UGT2B15: variants seen among roughly 807,000 people sequenced by gnomAD.
UGT2B15 encodes the protein UDP glucuronosyltransferase family 2 member B15.
UGT2B15 carries 36 observed loss-of-function variants against 45.9 expected under a neutral mutation model. The observed-to-expected ratio is 0.78, with a 90% CI of 0.60 to 1.04. UGT2B15 has a LOEUF of 1.04. Ranked by LOEUF, UGT2B15 falls within the 50% of genes least tolerant of loss-of-function variation. UGT2B15 has a pLI of 0.00. For missense variants in UGT2B15, 617 were observed against 622.4 expected (o/e 0.99, Z 0.09); for synonymous variants, 219 against 216.4 (o/e 1.01, Z -0.11).
chr4:68,661,262 A>G, intron 3 of UGT2B15, among the ~76,000 whole-genome samples: 1 of 152,044 alleles, frequency 6.6e-6, no homozygotes, highest in East Asian at 1.9e-4. Flanking sequence ...GGATAAATGC[A>G]TATCTGATTG....
chr4:68,659,476 G>A (rs1169169930), intron 3 of UGT2B15, among the ~76,000 whole-genome samples: 1 of 151,920 alleles, frequency 6.6e-6, no homozygotes, highest in East Asian at 1.9e-4. Flanking sequence ...TTTTTGAGCT[G>A]TATTTATATA....
intron 3 of UGT2B15, among the ~76,000 whole-genome samples, chr4:68,662,583 CG>C (rs1279989166): frequency 6.7e-6 from 1 of 148,856 alleles, no homozygotes; most frequent in Non-Finnish European, 1.5e-5. Flanking sequence ...AAAGTTTTTT[CG>C]ATACCTGCTT....
chr4:68,662,113 CAG>C (rs1472990749), intron 3 of UGT2B15, among the ~76,000 whole-genome samples: 1 of 152,044 alleles, frequency 6.6e-6, no homozygotes, highest in Non-Finnish European at 1.5e-5. Context: ...ATAGATCATT[CAG>C]AGAGGGCTAT....
chr4:68,655,316 G>A lies in UGT2B15; in HGVS notation c.1006-134C>T, dbSNP rs1191079248. 50 of 1,144,854 alleles carry A rather than the reference G, an allele frequency of 4.4e-5. No homozygotes were observed. The Middle Eastern group carries it at 8.8e-4, about 20-fold the overall frequency. 70.9% of individuals were successfully genotyped at this position (1,144,854 alleles called of 1,614,324 possible). A position where few individuals can be genotyped will look rare whatever the true frequency, so the allele number is the denominator to read the frequency against. The stretch of plus-strand genomic sequence containing the variant: ...AAGAAATAAGAAGAAGTGATGTCAA[G>A]TAATGAGAACTACTAAAAGTTTGAG... On this transcript the variant is annotated intron_variant, in intron 3 of 5. Coordinates refer to ENST00000338206, the MANE Select transcript of UGT2B15 (RefSeq NM_001076.4).
At chr4:68,667,245 C>G (rs1271976914) in intron 2 of UGT2B15, among the ~76,000 whole-genome samples, 1 of 151,830 alleles carries the variant, frequency 6.6e-6, no homozygotes, top group Non-Finnish European at 1.5e-5. Flanking sequence ...TCACTGCAGC[C>G]TCTGCTCCCA....
intron 5 of UGT2B15, among the ~76,000 whole-genome samples, chr4:68,653,549 G>A (rs1732714070): frequency 1.3e-5 from 2 of 151,868 alleles, no homozygotes. Context: ...CTTTAGGGCT[G>A]TGGCTTTGTA....
chr4:68,649,245 G>A (rs6837575), intron 5 of UGT2B15, among the ~76,000 whole-genome samples: 72,347 of 145,340 alleles, frequency 0.5, 20,801 homozygotes, highest in Non-Finnish European at 0.65. Flanking sequence ...CCAGCATATG[G>A]TAAATTCAGG....
Position 68,668,168 on chromosome 4 carries a change from C to A in UGT2B15, c.745G>T (p.Glu249Ter), listed in dbSNP as rs758424244. Residue 249 changes from glutamate (E) to a stop codon, truncating the protein, a stop_gained, in exon 2 of 6, where the codon GAG becomes TAG. Transcript: ENST00000338206. LOFTEE classifies it high-confidence loss of function. ...EVLGRPTTLF[E>*]TMGKAEMWLI... ...CACATTTCAGCTTTCCCCATTGTCT[C>A]AAATAATGTAGTGGGTCTTCCTGAT... 1 of 1,612,610 alleles carries A rather than the reference C, an allele frequency of 6.2e-7. No homozygotes were observed. The highest frequency in any genetic ancestry group is 8.5e-7 in the Non-Finnish European group (1 of 1,179,246).
At chr4:68,666,752 A>ATATTTTTTT (rs1553925091) in intron 2 of UGT2B15, among the ~76,000 whole-genome samples, 7 of 127,888 alleles carry the variant, frequency 5.5e-5, no homozygotes, top group Admixed American at 8.4e-5. Context: ...ATATATATAT[A>ATATTTTTTT]TTTTTTTTTT....
chr4:68,656,849 C>A (rs1287387411), intron 3 of UGT2B15, among the ~76,000 whole-genome samples: 1 of 151,926 alleles, frequency 6.6e-6, no homozygotes, highest in African/African-American at 2.4e-5. Context: ...GACCTGATCT[C>A]TTTGGCTTTG....
chr4:68,650,311 C>A (rs1008133965), intron 5 of UGT2B15, among the ~76,000 whole-genome samples: 3 of 151,918 alleles, frequency 2.0e-5, no homozygotes, highest in Admixed American at 2.0e-4. Flanking sequence ...CTCTCACTCC[C>A]CTTCCATCCC....
rs1732824387 is a variant in UGT2B15, at chr4:68,656,960, GAA to G, written c.1006-1780_1006-1779del. On this transcript the variant is annotated intron_variant, in intron 3 of 5. Transcript: ENST00000338206. The stretch of plus-strand genomic sequence containing the variant: ...GGGGGTGGCTGAGTACAGTTTACTG[GAA>G]GTAGTATTGACTGTTGCTATTTTTT... Among the ~76,000 whole-genome samples the G allele has an allele frequency of 1.3e-5, 2 of 152,054 alleles. 1 individual carries two copies. Among genetic ancestry groups the G allele is most frequent in the South Asian group, 4.1e-4 (2 of 4,826 alleles).
intron 3 of UGT2B15, 78 bp from the exon 4 acceptor site, chr4:68,655,260 A>ACTAACTGATTAT: frequency 6.7e-7 from 1 of 1,497,522 alleles, no homozygotes; most frequent in Non-Finnish European, 9.2e-7. Flanking sequence ...GAAGAGATTA[A>ACTAACTGATTAT]TAATCAGTTA....
Position 68,668,149 on chromosome 4 carries a change from T to G in UGT2B15, c.764A>C (p.Glu255Ala), listed in dbSNP as rs202064353. The G allele has an allele frequency of 1.2e-6, 2 of 1,613,694 alleles. No homozygotes were observed. The highest frequency in any genetic ancestry group is 1.3e-5 in the African/African-American group (1 of 75,028). The change falls in exon 2 of 6, where the codon GAA (glutamate) becomes GCA (alanine). Residue 255 changes from glutamate to alanine, a missense_variant. Transcript: ENST00000338206. The stretch of plus-strand genomic sequence containing the variant: ...CCAATAGGTTCGAATGAGCCACATT[T>G]CAGCTTTCCCCATTGTCTCAAATAA... ...TTLFETMGKA[E>A]MWLIRTYWDF...
At position 68,669,990 on chromosome 4, in the gene UGT2B15, T is replaced by C. The variant is rs928776272; in HGVS notation, c.629A>G (p.Glu210Gly). 6.2e-7 allele frequency: 1 copy of C among 1,613,862 alleles called. No individual in the cohort carries two copies. Among genetic ancestry groups the C allele is most frequent in the Non-Finnish European group, 8.5e-7 (1 of 1,179,912 alleles). ...CATATGTATCATATTTTTTATCCTCTCCATGAAAATCATTTGATCACTTAA... is the reference window on the plus strand; with the variant it reads ...CATATGTATCATATTTTTTATCCTCCCCATGAAAATCATTTGATCACTTAA... Reference protein sequence around the residue: ...SELSDQMIFMERIKNMIHMLY... With the variant: ...SELSDQMIFMGRIKNMIHMLY... The change falls in exon 1 of 6, where the codon GAG (glutamate) becomes GGG (glycine). Residue 210 changes from glutamate to glycine, a missense_variant. This residue lies in a region of UGT2B15 where 351 missense variants were observed against 342.1 expected (regional missense o/e 1.03). Coordinates refer to ENST00000338206, the MANE Select transcript of UGT2B15 (RefSeq NM_001076.4).
intron 1 of UGT2B15, 45 bp downstream of exon 1, chr4:68,669,850 A>G (rs752525402): frequency 8.5e-5 from 132 of 1,552,282 alleles, no homozygotes; most frequent in Non-Finnish European, 1.1e-4. Context: ...TCAAAGGCAC[A>G]GAAAAGTTAG....
chr4:68,669,720 T>C (rs1318323504), intron 1 of UGT2B15, among the ~76,000 whole-genome samples, 175 bp downstream of exon 1: 1 of 152,208 alleles, frequency 6.6e-6, no homozygotes, highest in South Asian at 2.1e-4. Flanking sequence ...GGGTTCTAAC[T>C]GATTCTATAA....
chr4:68,650,999 T>TC (rs1732637320), intron 5 of UGT2B15, among the ~76,000 whole-genome samples: 1 of 149,856 alleles, frequency 6.7e-6, no homozygotes, highest in South Asian at 2.1e-4. Context: ...GGTGTTGTTT[T>TC]TTTTTTTTTT....
intron 3 of UGT2B15, among the ~76,000 whole-genome samples, chr4:68,661,620 A>G (rs1178239684): frequency 6.6e-6 from 1 of 152,098 alleles, no homozygotes; most frequent in Admixed American, 6.6e-5. Flanking sequence ...ATCATTGATT[A>G]CAAAAGACTA....
Sources: allele counts gnomAD v4.1 joint callset (sites outside exome capture counted in the v4.1 genomes callset), GRCh38; gene constraint gnomAD v4.1.1; regional missense constraint gnomAD v4.1.1; transcripts MANE v1.5; gene names NCBI Gene and HGNC (gene_info 2026-07-23, HGNC 2026-07-21).